Variants in RYR3 observed in about 807,000 individuals in gnomAD.
RYR3 encodes the protein ryanodine receptor 3, also known as brain ryanodine receptor-calcium release channel.
In RYR3, 207 loss-of-function variants were observed where a neutral mutation model predicts 584.3. The ratio of observed to expected loss-of-function variants is 0.35; its 90% CI spans 0.32 to 0.40. The LOEUF is 0.40. Among genes scored for constraint, RYR3 ranks in the 10% least tolerant of loss-of-function variants. The pLI, the probability that RYR3 is intolerant of heterozygous loss-of-function variation, is 1.00. For synonymous variants in RYR3, 2,416 were observed against 2,248.5 expected, an observed-to-expected ratio of 1.07 and a Z score of -2.11; for missense variants, 5,616 against 6,089.2, an observed-to-expected ratio of 0.92 and a Z score of 2.59.
At chr15:33,762,313 A>G (rs1002909328) in intron 60 of RYR3, among the ~76,000 whole-genome samples, 1 of 152,180 alleles carries the variant, frequency 6.6e-6, no homozygotes, top group African/African-American at 2.4e-5. Context: ...AGAAAGGCAA[A>G]TCATCTCTGT....
intron 1 of RYR3, among the ~76,000 whole-genome samples, chr15:33,343,059 A>G (rs1250921656): frequency 6.6e-6 from 1 of 152,240 alleles, no homozygotes; most frequent in African/African-American, 2.4e-5. Context: ...GAAATGAGAA[A>G]GTGGAATTAG....
chr15:33,325,066 C>T (rs1046263724), intron 1 of RYR3, among the ~76,000 whole-genome samples: 3 of 152,164 alleles, frequency 2.0e-5, no homozygotes, highest in Admixed American at 6.5e-5. Flanking sequence ...ATGGGACATA[C>T]GTCTGCTCTA....
intron 42 of RYR3, among the ~76,000 whole-genome samples, chr15:33,702,006 CTG>C (rs1288555005): frequency 6.6e-6 from 1 of 152,192 alleles, no homozygotes; most frequent in African/African-American, 2.4e-5. Flanking sequence ...TGCTCATACA[CTG>C]TGCCAGGCTT....
chr15:33,694,097 C>T (rs1225274264), intron 38 of RYR3, among the ~76,000 whole-genome samples: 4 of 152,088 alleles, frequency 2.6e-5, no homozygotes, highest in African/African-American at 9.7e-5. Flanking sequence ...AGTTTTCTGG[C>T]AGGCTTTGGC....
chr15:33,863,958 C>A (rs1889479202), intron 102 of RYR3, among the ~76,000 whole-genome samples, 180 bp from the exon 103 acceptor site: 1 of 152,156 alleles, frequency 6.6e-6, no homozygotes, highest in Non-Finnish European at 1.5e-5. Flanking sequence ...TTTTGAGATT[C>A]ATGTGTGCTA....
intron 51 of RYR3, among the ~76,000 whole-genome samples, chr15:33,740,574 G>A (rs2069984718): frequency 6.6e-6 from 1 of 152,180 alleles, no homozygotes; most frequent in Admixed American, 6.5e-5. Context: ...GTGTTGACTA[G>A]GCCATGGAGG....
chr15:33,668,706 A>G (rs1371845419), intron 36 of RYR3, among the ~76,000 whole-genome samples: 9 of 152,204 alleles, frequency 5.9e-5, no homozygotes, highest in Admixed American at 5.9e-4. Context: ...AATAATGCAA[A>G]TTGTAAGCTT....
chr15:33,830,998 G>C lies in RYR3; in HGVS notation c.11370G>C (p.Gly3790=), dbSNP rs1035437949. 1.2e-6 allele frequency: 2 copies of C among 1,613,694 alleles called. No individual in the cohort carries two copies. The highest frequency in any genetic ancestry group is 1.7e-6 in the Non-Finnish European group (2 of 1,179,724). The stretch of plus-strand genomic sequence containing the variant: ...GTGATTTCTACTGGTATTATTCAGG[G>C]AAGGACATCATTGATGAATCTGGAC... ...SISDFYWYYS[G]KDIIDESGQH... is the part of the protein sequence containing the mutation. Residue 3790 remains glycine, a synonymous_variant, in exon 86 of 104, where the codon GGG becomes GGC. Coordinates refer to ENST00000634891, the MANE Select transcript of RYR3 (RefSeq NM_001036.6).
At chr15:33,709,783 G>C (rs1247055810) in intron 43 of RYR3, among the ~76,000 whole-genome samples, 1 of 152,154 alleles carries the variant, frequency 6.6e-6, no homozygotes, top group Non-Finnish European at 1.5e-5. Context: ...TTCTGTTATA[G>C]CAGCACAAAA....
intron 40 of RYR3, among the ~76,000 whole-genome samples, chr15:33,699,236 G>GTCTCTCTCTC (rs5811786): frequency 2.4e-4 from 27 of 114,474 alleles, no homozygotes; most frequent in African/African-American, 7.5e-4. Context: ...CTGTCTGTCT[G>GTCTCTCTCTC]TCTCTCTCTC....
At chr15:33,439,209 T>C (rs2046003382) in intron 1 of RYR3, among the ~76,000 whole-genome samples, 2 of 152,198 alleles carry the variant, frequency 1.3e-5, no homozygotes, top group African/African-American at 4.8e-5. Context: ...AAATTCTTAA[T>C]ATTTTATCTT....
chr15:33,790,827 CTG>C (rs1311715405), intron 67 of RYR3, among the ~76,000 whole-genome samples: 2 of 152,090 alleles, frequency 1.3e-5, no homozygotes, highest in Non-Finnish European at 2.9e-5. Context: ...GCAAATGAGA[CTG>C]AGAGGGAGAA....
intron 89 of RYR3, chr15:33,839,728 TA>T (rs988790477): frequency 6.6e-6 from 1 of 152,204 alleles, no homozygotes; most frequent in African/African-American, 2.4e-5. Flanking sequence ...TAGTGGAGAA[TA>T]AAGGCATTGG....
chr15:33,643,156 A>G (rs1022261585), intron 27 of RYR3, among the ~76,000 whole-genome samples: 2 of 152,146 alleles, frequency 1.3e-5, no homozygotes, highest in African/African-American at 2.4e-5. Context: ...ATGTCCCCCG[A>G]AATGACCACT....
intron 60 of RYR3, among the ~76,000 whole-genome samples, chr15:33,764,552 T>C (rs1257411051): frequency 6.6e-6 from 1 of 150,524 alleles, no homozygotes; most frequent in Non-Finnish European, 1.5e-5. Context: ...GTTCTGCACA[T>C]GTGTCCCAGA....
chr15:33,401,886 T>C (rs1419477898), intron 1 of RYR3, among the ~76,000 whole-genome samples: 1 of 152,212 alleles, frequency 6.6e-6, no homozygotes, highest in East Asian at 1.9e-4. Context: ...GGGCAATGAG[T>C]GATTTTGTGT....
Position 33,861,242 on chromosome 15 carries a change from A to G in RYR3, c.14465+64A>G, listed in dbSNP as rs1366821494. Reference sequence around the variant, plus strand: ...GCGTAAATAAAGCCAATTAGGTCATATAGTTCAGTCTCTGCTGGAAAAAGA... The same window carrying G: ...GCGTAAATAAAGCCAATTAGGTCATGTAGTTCAGTCTCTGCTGGAAAAAGA... On this transcript the variant is annotated intron_variant, in intron 102 of 103. Transcript: ENST00000634891. The G allele has an allele frequency of 7.4e-5, 88 of 1,196,380 alleles. 1 individual carries two copies. The East Asian group carries it at 2.2e-3, about 30-fold the overall frequency. 74.1% of individuals were successfully genotyped at this position (1,196,380 alleles called of 1,614,324 possible).
At chr15:33,788,125 T>C in intron 66 of RYR3, 93 bp from the exon 67 acceptor site, 1 of 1,514,442 alleles carries the variant, frequency 6.6e-7, no homozygotes. Context: ...CCTGAGTCGA[T>C]GGGATTCCAC....
intron 1 of RYR3, among the ~76,000 whole-genome samples, chr15:33,399,303 C>T (rs1353806630): frequency 2.0e-5 from 3 of 152,138 alleles, no homozygotes; most frequent in Admixed American, 2.0e-4. Flanking sequence ...TTTCAATAGA[C>T]TCGCTGAGCC....
Sources: allele counts gnomAD v4.1 joint callset (sites outside exome capture counted in the v4.1 genomes callset), GRCh38; gene constraint gnomAD v4.1.1; transcripts MANE v1.5; gene names NCBI Gene and HGNC (gene_info 2026-07-23, HGNC 2026-07-21).